Variants in CWC25 observed in about 807,000 individuals in gnomAD.
CWC25 encodes pre-mRNA-splicing factor CWC25 homolog.
CWC25 carries 31 observed loss-of-function variants against 54.6 expected under a neutral mutation model. The ratio of observed to expected loss-of-function variants is 0.57; its 90% confidence interval spans 0.43 to 0.77. CWC25 has a LOEUF of 0.77. Ranked by LOEUF, CWC25 falls within the 30% of genes least tolerant of loss-of-function variation. The pLI, the probability that CWC25 is intolerant of heterozygous loss-of-function variation, is 0.00. For synonymous variants in CWC25, 151 were observed against 187.0 expected (o/e 0.81, Z 1.57); for missense variants, 453 against 529.3 (o/e 0.86, Z 1.41).
At chr17:38,819,208 T>A (rs1201422159) in intron 2 of CWC25, among the ~76,000 whole-genome samples, 1 of 151,514 alleles carries the variant, frequency 6.6e-6, no homozygotes, top group Non-Finnish European at 1.5e-5. Context: ...TTCTTTCTTT[T>A]TTTTTTTTTG....
intron 7 of CWC25, 183 bp downstream of exon 7, chr17:38,806,582 A>G (rs1385424408): frequency 1.4e-6 from 1 of 724,788 alleles, no homozygotes; most frequent in African/African-American, 1.8e-5. Flanking sequence ...ACACCTACAG[A>G]TATGTGGCTT....
chr17:38,823,006 T>C (rs1310410154), intron 1 of CWC25, among the ~76,000 whole-genome samples: 1 of 150,324 alleles, frequency 6.7e-6, no homozygotes, highest in Admixed American at 6.7e-5. Context: ...CCCAGCTAAT[T>C]TTTTTTGTAT....
intron 8 of CWC25, 123 bp downstream of exon 8, chr17:38,806,174 G>T: frequency 1.2e-6 from 1 of 810,504 alleles, no homozygotes; most frequent in Non-Finnish European, 2.0e-6. Flanking sequence ...CTTACAGGTT[G>T]GCAAGATAAA....
intron 1 of CWC25, among the ~76,000 whole-genome samples, chr17:38,823,149 T>A (rs1367753687): frequency 6.7e-6 from 1 of 148,528 alleles, no homozygotes; most frequent in East Asian, 2.0e-4. Flanking sequence ...GACTCCAACT[T>A]TTTTTTTAAC....
At chr17:38,819,275 C>T (rs1911827952) in intron 2 of CWC25, among the ~76,000 whole-genome samples, 1 of 150,492 alleles carries the variant, frequency 6.6e-6, no homozygotes, top group South Asian at 2.1e-4. Flanking sequence ...TCTCAGCTCA[C>T]TAAAACTTCC....
At chr17:38,809,230 C>A (rs570116723) in intron 6 of CWC25, among the ~76,000 whole-genome samples, 96 of 151,700 alleles carry the variant, frequency 6.3e-4, no homozygotes, top group Non-Finnish European at 1.3e-3. Context: ...GAGTTCAAGA[C>A]CATCCTGGCC....
At chr17:38,806,652 G>A (rs1396701829) in intron 7 of CWC25, 113 bp downstream of exon 7, 5 of 1,004,706 alleles carry the variant, frequency 5.0e-6, no homozygotes, top group Non-Finnish European at 7.1e-6. Flanking sequence ...AAATACCAAA[G>A]CAAAGACATT....
intron 9 of CWC25, among the ~76,000 whole-genome samples, 169 bp downstream of exon 9, chr17:38,802,531 A>C (rs1911066787): frequency 6.6e-6 from 1 of 152,232 alleles, no homozygotes; most frequent in Non-Finnish European, 1.5e-5. Context: ...TCCTCCCCTC[A>C]AATGAAAAAC....
At chr17:38,803,507 G>A (rs1389377159) in intron 8 of CWC25, among the ~76,000 whole-genome samples, 1 of 152,106 alleles carries the variant, frequency 6.6e-6, no homozygotes, top group Non-Finnish European at 1.5e-5. Flanking sequence ...GTGTGTGCCT[G>A]TAATCCCAGC....
rs932394307 is a variant in CWC25, at chr17:38,825,104, C to T, written c.18+62G>A. ...GGTTATCCACTCCTTCCTCTACCCCCACCCCCTGCCAATTTCCGTCCCGGC... is the reference window on the plus strand; with the variant it reads ...GGTTATCCACTCCTTCCTCTACCCCTACCCCCTGCCAATTTCCGTCCCGGC... On this transcript the variant is annotated intron_variant, in intron 1 of 9. Coordinates refer to ENST00000614790, the MANE Select transcript of CWC25 (RefSeq NM_017748.5). The T allele has an allele frequency of 1.3e-5, 18 of 1,407,632 alleles. No individual in the cohort carries two copies. The African/African-American group carries it at 2.3e-4, about 18-fold the overall frequency. 87.2% of individuals were successfully genotyped at this position (1,407,632 alleles called of 1,614,324 possible).
At position 38,821,468 on chromosome 17, in the gene CWC25, G is replaced by A. The variant is rs111507123; in HGVS notation, c.19-395C>T. ...CCGGCTATTCAGCAGGCTGAGGCAG[G>A]AGAATCGCTTGAACCAAGAGGCGGA... On this transcript the variant is annotated intron_variant, in intron 1 of 9. Coordinates refer to ENST00000614790, the MANE Select transcript of CWC25 (RefSeq NM_017748.5). Among the ~76,000 whole-genome samples, 745 of 152,300 alleles carry A rather than the reference G, an allele frequency of 4.9e-3. 1 individual carries two copies. The highest frequency in any genetic ancestry group is 0.024 in the Middle Eastern group (7 of 294).
intron 8 of CWC25, among the ~76,000 whole-genome samples, chr17:38,805,408 CT>C (rs1312285087): frequency 6.6e-6 from 1 of 152,112 alleles, no homozygotes; most frequent in East Asian, 1.9e-4. Flanking sequence ...AAGTAGTTGC[CT>C]TTGGGTAGCA....
At chr17:38,815,326 C>A (rs957287765) in intron 2 of CWC25, among the ~76,000 whole-genome samples, 4 of 152,068 alleles carry the variant, frequency 2.6e-5, no homozygotes, top group African/African-American at 9.7e-5. Flanking sequence ...GAGTCCGAAG[C>A]GGGTGGATCA....
chr17:38,811,528 G>A (rs376306151), intron 4 of CWC25, among the ~76,000 whole-genome samples: 1 of 140,698 alleles, frequency 7.1e-6, no homozygotes, highest in Non-Finnish European at 1.5e-5. Flanking sequence ...GCAACAGAGC[G>A]AGACTCCGTC....
intron 7 of CWC25, 66 bp from the exon 8 acceptor site, chr17:38,806,461 T>A (rs1157589674): frequency 1.5e-6 from 2 of 1,298,808 alleles, no homozygotes; most frequent in African/African-American, 1.5e-5. Flanking sequence ...ACTGAATCCC[T>A]CAAACAATGC....
intron 2 of CWC25, among the ~76,000 whole-genome samples, chr17:38,816,556 T>C (rs1598075756): frequency 1.3e-5 from 2 of 151,526 alleles, no homozygotes; most frequent in South Asian, 4.2e-4. Flanking sequence ...CCAACCTGAA[T>C]ATGACTTTTT....
chr17:38,809,827 A>G, intron 5 of CWC25, 62 bp from the exon 6 acceptor site: 1 of 1,459,500 alleles, frequency 6.9e-7, no homozygotes, highest in Non-Finnish European at 9.5e-7. Flanking sequence ...CAATTTAAAT[A>G]TCTTATGCTG....
intron 2 of CWC25, among the ~76,000 whole-genome samples, chr17:38,816,606 G>A (rs1165871223): frequency 6.6e-6 from 1 of 151,918 alleles, no homozygotes; most frequent in African/African-American, 2.4e-5. Flanking sequence ...TAACAACTGT[G>A]AGCATAAAGA....
At chr17:38,813,851 GTTT>G (rs1181052824) in intron 3 of CWC25, among the ~76,000 whole-genome samples, 1 of 151,718 alleles carries the variant, frequency 6.6e-6, no homozygotes, top group Non-Finnish European at 1.5e-5. Flanking sequence ...GCTGTCAGTT[GTTT>G]TTTTTGTTGT....
Sources: allele counts gnomAD v4.1 joint callset (sites outside exome capture counted in the v4.1 genomes callset), GRCh38; gene constraint gnomAD v4.1.1; transcripts MANE v1.5; gene names NCBI Gene and HGNC (gene_info 2026-07-23, HGNC 2026-07-21).